The following DAPK2 variants were observed in gnomAD, a reference collection of about 807,000 sequenced individuals.
The protein encoded by DAPK2 is death-associated protein kinase 2.
DAPK2 carries 35 observed loss-of-function variants against 44.1 expected under a neutral mutation model. The observed-to-expected ratio is 0.79, with a 90% confidence interval of 0.61 to 1.05. DAPK2 has a LOEUF of 1.05. Among genes scored for constraint, DAPK2 ranks in the 50% least tolerant of loss-of-function variants. The probability of loss-of-function intolerance (pLI) is 0.00; values close to 1 mark genes in which losing one functional copy is unlikely to be tolerated. For synonymous variants in DAPK2, 174 were observed against 182.6 expected, an observed-to-expected ratio of 0.95 and a Z score of 0.38; for missense variants, 453 against 483.2, an observed-to-expected ratio of 0.94 and a Z score of 0.59.
Position 64,023,121 on chromosome 15 carries a change from T to C in DAPK2, c.92+17049A>G, listed in dbSNP as rs76299770. The stretch of plus-strand genomic sequence containing the variant: ...AAGGGTTTACAGAGTCTCTTCTCTT[T>C]GTCAAGGGGCGATGTGGAGGAGGGT... On this transcript the variant is annotated intron_variant, in intron 1 of 10. Transcript: ENST00000261891. 3.6e-3 allele frequency among the ~76,000 whole-genome samples: 541 copies of C among 152,290 alleles called. 8 individuals carry two copies. The East Asian group carries it at 0.047, about 13-fold the overall frequency.
intron 1 of DAPK2, among the ~76,000 whole-genome samples, chr15:64,032,091 C>T (rs1267632336): frequency 6.6e-6 from 1 of 152,158 alleles, no homozygotes. Context: ...CTGGGCTGGA[C>T]ACCACAGTAG....
chr15:63,913,244 CTG>C (rs998460815), intron 8 of DAPK2, among the ~76,000 whole-genome samples: 10 of 152,080 alleles, frequency 6.6e-5, no homozygotes, highest in Non-Finnish European at 8.8e-5. Context: ...ACATTTCTTC[CTG>C]GGGTAATGTA....
At chr15:63,993,059 C>A (rs915253639) in intron 1 of DAPK2, among the ~76,000 whole-genome samples, 1 of 152,180 alleles carries the variant, frequency 6.6e-6, no homozygotes, top group African/African-American at 2.4e-5. Context: ...TAAAGTGAAC[C>A]ATTCATGTTC....
chr15:63,936,431 T>C (rs1237629531), intron 4 of DAPK2, among the ~76,000 whole-genome samples: 1 of 152,060 alleles, frequency 6.6e-6, no homozygotes, highest in Non-Finnish European at 1.5e-5. Flanking sequence ...GCCAACATGG[T>C]GAAACCCTGT....
At chr15:63,925,676 GCGCACACACACA>G (rs1180474639) in intron 7 of DAPK2, among the ~76,000 whole-genome samples, 18 of 51,374 alleles carry the variant, frequency 3.5e-4, no homozygotes, top group African/African-American at 9.5e-4. Flanking sequence ...CTGACTTGTA[GCGCACACACACA>G]CACACACACA....
intron 1 of DAPK2, among the ~76,000 whole-genome samples, chr15:64,010,262 C>T (rs867119099): frequency 3.9e-5 from 6 of 152,304 alleles, no homozygotes; most frequent in East Asian, 1.9e-4. Context: ...CGAGTTCTCA[C>T]GCAACAGGAA....
At chr15:63,938,601 G>A (rs1413255444) in intron 4 of DAPK2, among the ~76,000 whole-genome samples, 3 of 152,202 alleles carry the variant, frequency 2.0e-5, no homozygotes, top group African/African-American at 2.4e-5. Flanking sequence ...GGTTCTCAGC[G>A]CTCATTCCTT....
chr15:63,988,508 T>C (rs995762438), intron 1 of DAPK2, among the ~76,000 whole-genome samples: 1 of 127,672 alleles, frequency 7.8e-6, no homozygotes, highest in Non-Finnish European at 1.6e-5. Flanking sequence ...CAGCTTTTCC[T>C]TTTTTTTTTT....
At chr15:63,942,458 G>A (rs1442340763) in intron 3 of DAPK2, among the ~76,000 whole-genome samples, 1 of 152,010 alleles carries the variant, frequency 6.6e-6, no homozygotes. Flanking sequence ...GGGCTGAGAT[G>A]GGAGAATCAC....
At chr15:64,038,153 C>T (rs1178202132) in intron 1 of DAPK2, among the ~76,000 whole-genome samples, 1 of 152,220 alleles carries the variant, frequency 6.6e-6, no homozygotes, top group Non-Finnish European at 1.5e-5. Flanking sequence ...CTCCCCACAA[C>T]TTCTCAGTTT....
At chr15:64,005,179 T>C (rs1471396774) in intron 1 of DAPK2, among the ~76,000 whole-genome samples, 8 of 151,892 alleles carry the variant, frequency 5.3e-5, no homozygotes, top group African/African-American at 1.9e-4. Context: ...CCAATACCCA[T>C]CCTTGAGTGG....
At chr15:64,018,959 C>G (rs1469341786) in intron 1 of DAPK2, among the ~76,000 whole-genome samples, 2 of 152,190 alleles carry the variant, frequency 1.3e-5, no homozygotes, top group Non-Finnish European at 2.9e-5. Context: ...CCTTGGTTTC[C>G]TCCTCCCTAA....
chr15:63,946,259 T>C (rs530525565), intron 3 of DAPK2, among the ~76,000 whole-genome samples: 2 of 152,370 alleles, frequency 1.3e-5, no homozygotes, highest in Non-Finnish European at 2.9e-5. Flanking sequence ...AGAAGGTGGT[T>C]GTCCGGTGGG....
intron 3 of DAPK2, among the ~76,000 whole-genome samples, chr15:63,952,862 C>T (rs2077629027): frequency 1.3e-5 from 2 of 152,028 alleles, no homozygotes; most frequent in South Asian, 4.1e-4. Context: ...GTTGGCTATA[C>T]TCTATTGTGC....
chr15:63,932,336 A>G (rs1567213437), intron 4 of DAPK2, among the ~76,000 whole-genome samples: 1 of 149,434 alleles, frequency 6.7e-6, no homozygotes, highest in Non-Finnish European at 1.5e-5. Context: ...GTGGTAGCAC[A>G]TGCCTGTAAT....
chr15:64,024,336 G>A (rs940741280), intron 1 of DAPK2, among the ~76,000 whole-genome samples: 1 of 152,200 alleles, frequency 6.6e-6, no homozygotes, highest in Non-Finnish European at 1.5e-5. Context: ...AAGGGCCTAG[G>A]GCATGGAGGA....
intron 3 of DAPK2, among the ~76,000 whole-genome samples, chr15:63,941,142 C>T (rs915584947): frequency 3.3e-5 from 5 of 152,196 alleles, no homozygotes; most frequent in Admixed American, 6.5e-5. Flanking sequence ...CCTTTGTTCA[C>T]ACCATCTGCT....
chr15:63,929,732 C>T (rs1213753510), intron 5 of DAPK2, 155 bp from the exon 7 acceptor site: 1 of 852,028 alleles, frequency 1.2e-6, no homozygotes, highest in African/African-American at 1.7e-5. Flanking sequence ...CCATCCTGCT[C>T]TTCAGCAGCA....
chr15:63,984,081 G>C (rs2078606729), intron 1 of DAPK2, among the ~76,000 whole-genome samples: 1 of 152,198 alleles, frequency 6.6e-6, no homozygotes, highest in Non-Finnish European at 1.5e-5. Context: ...CCCAAGTCTA[G>C]GACCCACCAG....
Sources: allele counts gnomAD v4.1 joint callset (sites outside exome capture counted in the v4.1 genomes callset), GRCh38; gene constraint gnomAD v4.1.1; transcripts MANE v1.5; gene names NCBI Gene and HGNC (gene_info 2026-07-23, HGNC 2026-07-21).